The following CRTAC1 variants were observed in gnomAD, a reference collection of about 807,000 sequenced individuals.
CRTAC1 encodes acidic secreted protein in cartilage.
A neutral mutation model predicts 67.8 loss-of-function variants in CRTAC1; 37 were observed. The observed-to-expected ratio is 0.55, with a 90% CI of 0.42 to 0.72. The LOEUF (loss-of-function observed/expected upper bound fraction) is 0.72, where lower values mean the gene tolerates loss of function less well. Among genes scored for constraint, CRTAC1 ranks in the 30% least tolerant of loss-of-function variants. The pLI, the probability that CRTAC1 is intolerant of heterozygous loss-of-function variation, is 0.00. For synonymous variants in CRTAC1, 348 were observed against 371.0 expected, an observed-to-expected ratio of 0.94 and a Z score of 0.71; for missense variants, 780 against 931.6, an observed-to-expected ratio of 0.84 and a Z score of 2.12.
chr10:97,955,479 C>T (rs971144245), intron 2 of CRTAC1, among the ~76,000 whole-genome samples: 2 of 152,236 alleles, frequency 1.3e-5, no homozygotes, highest in Admixed American at 1.3e-4. Context: ...AGCCTTGTCT[C>T]TAGAGTCAGA....
chr10:97,990,660 C>T (rs189920977), intron 2 of CRTAC1, among the ~76,000 whole-genome samples: 34 of 152,316 alleles, frequency 2.2e-4, no homozygotes, highest in Admixed American at 5.2e-4. Flanking sequence ...ATCCATCAGG[C>T]ACATTGACTC....
At chr10:97,956,528 A>G (rs2051443988) in intron 2 of CRTAC1, among the ~76,000 whole-genome samples, 1 of 152,002 alleles carries the variant, frequency 6.6e-6, no homozygotes, top group Non-Finnish European at 1.5e-5. Flanking sequence ...TATCCTTCTC[A>G]TTAAAAATAA....
chr10:97,958,604 C>T (rs2051477126), intron 2 of CRTAC1, among the ~76,000 whole-genome samples: 1 of 152,112 alleles, frequency 6.6e-6, no homozygotes, highest in Admixed American at 6.5e-5. Flanking sequence ...TCATTTGAGT[C>T]CATAGAGAAT....
intron 8 of CRTAC1, among the ~76,000 whole-genome samples, chr10:97,899,383 T>TTTCTCCCCGCTGCA (rs2050502550): frequency 6.6e-6 from 1 of 152,186 alleles, no homozygotes; most frequent in Non-Finnish European, 1.5e-5. Flanking sequence ...CACCCAGCCC[T>TTTCTCCCCGCTGCA]TTCTCCCCGC....
chr10:97,938,019 G>T (rs1271411268), intron 2 of CRTAC1, among the ~76,000 whole-genome samples: 1 of 152,226 alleles, frequency 6.6e-6, no homozygotes, highest in Non-Finnish European at 1.5e-5. Flanking sequence ...ATCATCCCAA[G>T]ATGCAGAAGC....
intron 2 of CRTAC1, among the ~76,000 whole-genome samples, chr10:97,986,786 T>C (rs1398232255): frequency 6.6e-6 from 1 of 152,206 alleles, no homozygotes; most frequent in Non-Finnish European, 1.5e-5. Context: ...GTCTGGGCCT[T>C]GGTGCCAAAC....
At chr10:97,899,356 A>C (rs1042215794) in intron 8 of CRTAC1, among the ~76,000 whole-genome samples, 1 of 152,198 alleles carries the variant, frequency 6.6e-6, no homozygotes, top group African/African-American at 2.4e-5. Flanking sequence ...GCTCTGGGCC[A>C]GCCTGCCTTG....
chr10:97,952,735 G>C (rs2051378149), intron 2 of CRTAC1, among the ~76,000 whole-genome samples: 1 of 152,018 alleles, frequency 6.6e-6, no homozygotes. Context: ...GTTGACACAT[G>C]GTGCTTTGAG....
intron 2 of CRTAC1, among the ~76,000 whole-genome samples, chr10:97,976,609 C>T (rs2051808061): frequency 6.6e-6 from 1 of 152,224 alleles, no homozygotes; most frequent in Non-Finnish European, 1.5e-5. Flanking sequence ...TAAAAATGCT[C>T]ATCCCTCAGT....
chr10:97,979,081 T>C (rs560743947), intron 2 of CRTAC1, among the ~76,000 whole-genome samples: 1 of 152,152 alleles, frequency 6.6e-6, no homozygotes, highest in Non-Finnish European at 1.5e-5. Context: ...GAAAATGTTA[T>C]GATCAGAGGG....
At chr10:97,918,413 T>C (rs561013578) in intron 4 of CRTAC1, among the ~76,000 whole-genome samples, 2 of 152,294 alleles carry the variant, frequency 1.3e-5, no homozygotes, top group South Asian at 4.1e-4. Flanking sequence ...ATTATAATGG[T>C]GCTATTTCTT....
chr10:97,976,945 AT>A (rs1445449133), intron 2 of CRTAC1, among the ~76,000 whole-genome samples: 1 of 152,172 alleles, frequency 6.6e-6, no homozygotes, highest in African/African-American at 2.4e-5. Flanking sequence ...TAGCTCAGTC[AT>A]TTTTGTTCAT....
rs546811732 is a variant in CRTAC1 at position 97,974,824 on chromosome 10, A to T, written c.224+36314T>A. On this transcript the variant is annotated intron_variant, in intron 2 of 14. Coordinates refer to ENST00000370597, the MANE Select transcript of CRTAC1 (RefSeq NM_018058.7). ...AAAAAAGACCCCTTTCTTCTTCTTG[A>T]TATATTTAGTAACGACCTTAAAGAG... Among the ~76,000 whole-genome samples the T allele has an allele frequency of 4.6e-5, 7 of 152,234 alleles. No individual in the cohort carries two copies. In the East Asian group the frequency reaches 1.4e-3, roughly 30 times the overall value.
intron 2 of CRTAC1, among the ~76,000 whole-genome samples, chr10:97,977,704 C>T (rs574738139): frequency 1.1e-4 from 16 of 152,296 alleles, no homozygotes; most frequent in South Asian, 4.1e-4. Flanking sequence ...TTCTTGGAAA[C>T]ATAACTGAGA....
chr10:98,019,421 G>C (rs1185691147), intron 1 of CRTAC1, among the ~76,000 whole-genome samples: 1 of 152,182 alleles, frequency 6.6e-6, no homozygotes, highest in East Asian at 1.9e-4. Flanking sequence ...GGACACTTTT[G>C]GTTGTCACAA....
intron 5 of CRTAC1, among the ~76,000 whole-genome samples, chr10:97,913,104 G>A (rs1278874925): frequency 6.6e-6 from 1 of 150,778 alleles, no homozygotes; most frequent in Non-Finnish European, 1.5e-5. Flanking sequence ...ACGTGGTGCA[G>A]GAATGGGCAC....
chr10:97,991,169 C>T (rs1842448758), intron 2 of CRTAC1, among the ~76,000 whole-genome samples: 1 of 144,580 alleles, frequency 6.9e-6, no homozygotes, highest in Non-Finnish European at 1.5e-5. Context: ...GCTCAGGAGG[C>T]TGAGGTGGAG....
chr10:97,885,623 G>C (rs902811210), intron 11 of CRTAC1, among the ~76,000 whole-genome samples: 2 of 152,208 alleles, frequency 1.3e-5, no homozygotes, highest in African/African-American at 4.8e-5. Context: ...GCAAGGTCAG[G>C]CTAATGGTGA....
At chr10:97,885,850 T>C (rs915380882) in intron 11 of CRTAC1, among the ~76,000 whole-genome samples, 5 of 152,234 alleles carry the variant, frequency 3.3e-5, no homozygotes, top group African/African-American at 1.2e-4. Context: ...CCAGGCTAAA[T>C]AATATATCAC....
Sources: gnomAD v4.1 joint callset for allele counts (sites outside exome capture counted in the v4.1 genomes callset) on GRCh38, gnomAD v4.1.1 for gene constraint, MANE v1.5 for transcripts, NCBI Gene and HGNC (gene_info 2026-07-23, HGNC 2026-07-21) for gene names.